Variants in ATP10A observed in about 807,000 individuals in gnomAD.
ATP10A encodes the protein phospholipid-transporting ATPase VA.
ATP10A carries 111 observed loss-of-function variants against 147.8 expected under a neutral mutation model. The observed-to-expected ratio is 0.75, with a 90% confidence interval of 0.64 to 0.88. ATP10A has a LOEUF of 0.88. Among genes scored for constraint, ATP10A ranks in the 40% least tolerant of loss-of-function variants. The pLI is 0.00. For synonymous variants in ATP10A, 875 were observed against 841.6 expected (o/e 1.04, Z -0.69); for missense variants, 1,927 against 1,959.0 (o/e 0.98, Z 0.31).
intron 1 of ATP10A, among the ~76,000 whole-genome samples, chr15:25,852,747 C>T (rs1311522556): frequency 1.3e-5 from 2 of 152,194 alleles, no homozygotes; most frequent in African/African-American, 2.4e-5. Flanking sequence ...ATGGTGTGTT[C>T]TTCAAGCACA....
intron 1 of ATP10A, among the ~76,000 whole-genome samples, chr15:25,804,785 T>C (rs962472087): frequency 6.6e-6 from 1 of 152,232 alleles, no homozygotes; most frequent in African/African-American, 2.4e-5. Flanking sequence ...CAGCACAAAG[T>C]AGGCCTTTGC....
chr15:25,708,225 C>A lies in ATP10A; in HGVS notation c.2420G>T (p.Gly807Val), dbSNP rs1330539791. The change falls in exon 11 of 21, where the codon GGC becomes GTC. Residue 807 changes from glycine to valine, a missense_variant. Gly to Val is a moderately radical substitution (Grantham distance 109). Transcript: ENST00000555815. ...CTTGGCGATGCACAAGGTGCGCAGG[C>A]CTTCCGCCGCATACACGTTGAGGTA... is the stretch of plus-strand genomic sequence containing the variant. ...QNYLNVYAAEGLRTLCIAKRV... is the reference protein window; with the variant it reads ...QNYLNVYAAEVLRTLCIAKRV... 1.9e-6 allele frequency: 3 copies of A among 1,614,218 alleles called. No individual in the cohort carries two copies. Among genetic ancestry groups the A allele is most frequent in the Non-Finnish European group, 1.7e-6 (2 of 1,180,042 alleles).
intron 9 of ATP10A, 56 bp from the exon 10 acceptor site, chr15:25,714,297 C>A: frequency 6.5e-7 from 1 of 1,537,684 alleles, no homozygotes; most frequent in Non-Finnish European, 8.8e-7. Flanking sequence ...CCCCAGAGGC[C>A]CCACCCTGGT....
intron 8 of ATP10A, among the ~76,000 whole-genome samples, chr15:25,717,197 T>TATAC (rs1320817966): frequency 4.6e-5 from 7 of 152,096 alleles, no homozygotes; most frequent in Admixed American, 2.0e-4. Flanking sequence ...AAATATTTTA[T>TATAC]ATACATATTG....
Position 25,708,567 on chromosome 15 carries a change from C to T in ATP10A, c.2345-267G>A, listed in dbSNP as rs1470334135. On this transcript the variant is annotated intron_variant, in intron 10 of 20. Coordinates refer to ENST00000555815, the MANE Select transcript of ATP10A (RefSeq NM_024490.4). The stretch of plus-strand genomic sequence containing the variant: ...AACTCCTGGACTCAAATCATCCACC[C>T]GCCTCGGCCTCCGAAAGTACTGGGA... The T allele has an allele frequency of 4.4e-5, 18 of 409,266 alleles. 1 individual carries two copies. The highest frequency in any genetic ancestry group is 1.7e-4 in the Admixed American group (4 of 23,674). The allele number at this position is 409,266 out of a possible 1,614,324, so 25.4% of individuals were successfully genotyped here. A position where few individuals can be genotyped will look rare whatever the true frequency, so the allele number is the denominator to read the frequency against.
At chr15:25,680,756 G>T in intron 19 of ATP10A, 54 bp downstream of exon 19, 1 of 1,502,452 alleles carries the variant, frequency 6.7e-7, no homozygotes, top group Non-Finnish European at 9.3e-7. Flanking sequence ...AGGGAAGTGT[G>T]GGGTCCACGG....
chr15:25,761,436 G>A (rs1297688627), intron 2 of ATP10A, among the ~76,000 whole-genome samples: 1 of 152,228 alleles, frequency 6.6e-6, no homozygotes, highest in Non-Finnish European at 1.5e-5. Context: ...CCGTCCTCCA[G>A]ACCCCAGAAT....
intron 1 of ATP10A, among the ~76,000 whole-genome samples, chr15:25,799,561 C>T (rs1029502222): frequency 6.6e-6 from 1 of 152,112 alleles, no homozygotes; most frequent in African/African-American, 2.4e-5. Flanking sequence ...CATTCATTGG[C>T]ATGTTCCACA....
intron 2 of ATP10A, among the ~76,000 whole-genome samples, chr15:25,744,668 T>TGACTGC (rs1207167271): frequency 6.6e-6 from 1 of 152,206 alleles, no homozygotes; most frequent in Non-Finnish European, 1.5e-5. Context: ...AATTAAAAGC[T>TGACTGC]GACTGCCTGG....
At position 25,784,759 on chromosome 15, in the gene ATP10A, T is replaced by C. The variant is rs150580647; in HGVS notation, c.450-3536A>G. Among the ~76,000 whole-genome samples the C allele has an allele frequency of 1.4e-3, 214 of 151,932 alleles. 5 individuals carry two copies. In the East Asian group the frequency reaches 0.03, roughly 21 times the overall value. On this transcript the variant is annotated intron_variant, in intron 1 of 20. Transcript: ENST00000555815. ...CCAACATGAAGAAACCCCATCTCAC[T>C]AAAAATACAAAAATTAGCCAGGTGT... is the stretch of plus-strand genomic sequence containing the variant.
intron 14 of ATP10A, among the ~76,000 whole-genome samples, chr15:25,691,997 C>T (rs748794521): frequency 3.3e-5 from 5 of 152,106 alleles, no homozygotes; most frequent in Non-Finnish European, 7.3e-5. Context: ...GGAGATGTTT[C>T]GGAAAGCGGG....
chr15:25,720,827 A>G (rs12439721), intron 7 of ATP10A, among the ~76,000 whole-genome samples: 145,625 of 152,230 alleles, frequency 0.96, 69,792 homozygotes, highest in Non-Finnish European at 0.99. Context: ...AAAAGTGTCA[A>G]GTAAACAACA....
intron 2 of ATP10A, among the ~76,000 whole-genome samples, chr15:25,759,135 G>C (rs55814476): frequency 6.6e-6 from 1 of 152,046 alleles, no homozygotes; most frequent in African/African-American, 2.4e-5. Context: ...CCATCTGTAA[G>C]GGCGCACCCT....
chr15:25,765,366 C>T (rs1200210382), intron 2 of ATP10A, among the ~76,000 whole-genome samples: 1 of 152,206 alleles, frequency 6.6e-6, no homozygotes. Context: ...CTGCTCCTGT[C>T]TTTGATATCT....
At chr15:25,824,042 G>A (rs1010091178) in intron 1 of ATP10A, among the ~76,000 whole-genome samples, 3 of 152,018 alleles carry the variant, frequency 2.0e-5, no homozygotes, top group Non-Finnish European at 4.4e-5. Context: ...ACGAAAATGG[G>A]GGCTGTAGTT....
At chr15:25,766,818 C>T (rs1005374357) in intron 2 of ATP10A, among the ~76,000 whole-genome samples, 6 of 150,860 alleles carry the variant, frequency 4.0e-5, no homozygotes, top group African/African-American at 1.5e-4. Context: ...AGAGCTGCAG[C>T]TTGAGAAGGC....
At position 25,714,193 on chromosome 15, in the gene ATP10A, A is replaced by G. The variant is rs753718272; in HGVS notation, c.1825T>C (p.Phe609Leu). 1.2e-6 allele frequency: 2 copies of G among 1,605,184 alleles called. No individual in the cohort carries two copies. Among genetic ancestry groups the G allele is most frequent in the Non-Finnish European group, 1.7e-6 (2 of 1,179,986 alleles). The change falls in exon 10 of 21, where the codon TTC becomes CTC. Residue 609 changes from phenylalanine to leucine, a missense_variant. Phe to Leu is a conservative substitution (Grantham distance 22). Transcript: ENST00000555815. Reference sequence around the variant, plus strand: ...CAGCTGGGTGTGAACCTCCGCAGGAAGTCTTCTATCGTCTTCACCGGGGAC... The same window carrying G: ...CAGCTGGGTGTGAACCTCCGCAGGAGGTCTTCTATCGTCTTCACCGGGGAC... ...LKSPVKTIED[F>L]LRRFTPSCLT...
At chr15:25,843,453 T>C (rs550832002) in intron 1 of ATP10A, among the ~76,000 whole-genome samples, 135 of 152,156 alleles carry the variant, frequency 8.9e-4, no homozygotes, top group African/African-American at 3.1e-3. Context: ...TGCCTCTGTA[T>C]AGACAGGATG....
chr15:25,833,841 G>A (rs1280422881), intron 1 of ATP10A, among the ~76,000 whole-genome samples: 2 of 152,014 alleles, frequency 1.3e-5, no homozygotes, highest in Non-Finnish European at 1.5e-5. Flanking sequence ...GCGTGGTGGT[G>A]GGCACCTGTG....
Sources: gnomAD v4.1 joint callset for allele counts (sites outside exome capture counted in the v4.1 genomes callset) on GRCh38, gnomAD v4.1.1 for gene constraint, MANE v1.5 for transcripts, NCBI Gene and HGNC (gene_info 2026-07-23, HGNC 2026-07-21) for gene names.